UBAC2: variants seen among roughly 807,000 people sequenced by gnomAD.
The protein encoded by UBAC2 is ubiquitin-associated domain-containing protein 2.
A neutral mutation model predicts 44.0 loss-of-function variants in UBAC2; 26 were observed. That is an observed-to-expected ratio of 0.59 (90% CI 0.43 to 0.82). The LOEUF is 0.82. Among genes scored for constraint, UBAC2 ranks in the 40% least tolerant of loss-of-function variants. The pLI is 0.00. For synonymous variants in UBAC2, 155 were observed against 154.3 expected (o/e 1.00, Z -0.04); for missense variants, 329 against 419.4 (o/e 0.78, Z 1.88).
At chr13:99,279,149 T>C (rs1157437722) in intron 4 of UBAC2, among the ~76,000 whole-genome samples, 1 of 152,144 alleles carries the variant, frequency 6.6e-6, no homozygotes, top group African/African-American at 2.4e-5. Flanking sequence ...CCCCCTTTTC[T>C]TACCCCTTTA....
At chr13:99,247,359 C>T (rs1046688228) in intron 4 of UBAC2, among the ~76,000 whole-genome samples, 3 of 151,400 alleles carry the variant, frequency 2.0e-5, no homozygotes, top group East Asian at 1.9e-4. Context: ...GGACTACAGG[C>T]GCCCGCTACC....
At chr13:99,283,971 G>C (rs1772037968) in intron 4 of UBAC2, among the ~76,000 whole-genome samples, 1 of 151,954 alleles carries the variant, frequency 6.6e-6, no homozygotes, top group East Asian at 1.9e-4. Flanking sequence ...CTGACCTCGT[G>C]ATCTGTCTGC....
At chr13:99,322,202 A>C (rs1310526871) in intron 6 of UBAC2, among the ~76,000 whole-genome samples, 1 of 152,234 alleles carries the variant, frequency 6.6e-6, no homozygotes, top group Non-Finnish European at 1.5e-5. Flanking sequence ...CAAAAATTGA[A>C]GTCAGTCTTT....
chr13:99,205,222 A>G (rs1274293852), intron 1 of UBAC2, among the ~76,000 whole-genome samples: 1 of 152,020 alleles, frequency 6.6e-6, no homozygotes, highest in Non-Finnish European at 1.5e-5. Context: ...CTTTAAGTGG[A>G]GAGGAGGCTT....
Position 99,295,068 on chromosome 13 carries a change from C to G in UBAC2, c.390-19029C>G, listed in dbSNP as rs745654917. The G allele has an allele frequency of 1.2e-5, 19 of 1,612,550 alleles. No individual in the cohort carries two copies. The highest frequency in any genetic ancestry group is 1.6e-5 in the Non-Finnish European group (19 of 1,179,296). On this transcript the variant is annotated intron_variant, in intron 4 of 8. Coordinates refer to ENST00000403766, the MANE Select transcript of UBAC2 (RefSeq NM_001144072.2). This position sits in a 1 kb window ranked among gnomAD's most constrained non-coding sequence, Gnocchi z 4.1. Reference sequence around the variant, plus strand: ...CCAAAATACAATCCATTTCACTTTCCATTTGAAGACTTGGAATGTATCATC... The same window carrying G: ...CCAAAATACAATCCATTTCACTTTCGATTTGAAGACTTGGAATGTATCATC...
At chr13:99,287,297 A>G (rs1244629385) in intron 4 of UBAC2, among the ~76,000 whole-genome samples, 1 of 152,104 alleles carries the variant, frequency 6.6e-6, no homozygotes. Flanking sequence ...AGGCACAGGC[A>G]GGTACCAGGT....
At chr13:99,336,698 A>T in intron 6 of UBAC2, among the ~76,000 whole-genome samples, 1 of 152,200 alleles carries the variant, frequency 6.6e-6, no homozygotes, top group East Asian at 1.9e-4. Flanking sequence ...ACTTTATAGT[A>T]TGTCTTGAAA....
At chr13:99,338,071 T>TTTTA (rs1555330451) in intron 6 of UBAC2, among the ~76,000 whole-genome samples, 2,294 of 105,048 alleles carry the variant, frequency 0.022, 141 homozygotes, top group Non-Finnish European at 0.034. Flanking sequence ...TTTTTTTTTT[T>TTTTA]TTTTGAGACA....
intron 6 of UBAC2, among the ~76,000 whole-genome samples, chr13:99,335,268 T>G (rs1046758058): frequency 6.6e-6 from 1 of 152,240 alleles, no homozygotes; most frequent in Non-Finnish European, 1.5e-5. Flanking sequence ...GTTTATAACA[T>G]TTTGCTATCT....
chr13:99,278,178 A>G (rs2043908108), intron 4 of UBAC2, among the ~76,000 whole-genome samples: 1 of 152,234 alleles, frequency 6.6e-6, no homozygotes. Context: ...ATTTAGACCT[A>G]TTTAAAAGAA....
chr13:99,204,345 T>G (rs940414255), intron 1 of UBAC2, among the ~76,000 whole-genome samples: 1 of 152,018 alleles, frequency 6.6e-6, no homozygotes, highest in Non-Finnish European at 1.5e-5. Context: ...GCAGGCATCA[T>G]AGTGTGGAGA....
At chr13:99,304,498 G>A (rs767409790) in intron 4 of UBAC2, among the ~76,000 whole-genome samples, 25 of 152,142 alleles carry the variant, frequency 1.6e-4, no homozygotes, top group Admixed American at 1.4e-3. Flanking sequence ...GTATCTCTAG[G>A]TGATGTATGA....
chr13:99,294,081 A>G (rs998108267), intron 4 of UBAC2, among the ~76,000 whole-genome samples: 8 of 152,134 alleles, frequency 5.3e-5, no homozygotes, highest in African/African-American at 1.9e-4. Flanking sequence ...GAATCCTAAG[A>G]TGCTTAATTT....
intron 4 of UBAC2, among the ~76,000 whole-genome samples, chr13:99,277,166 A>G (rs2043894581): frequency 6.6e-6 from 1 of 151,860 alleles, no homozygotes; most frequent in Non-Finnish European, 1.5e-5. Context: ...TTTTAATGTC[A>G]CTCTTATGAG....
At chr13:99,252,646 T>C (rs2043472489) in intron 4 of UBAC2, among the ~76,000 whole-genome samples, 1 of 152,250 alleles carries the variant, frequency 6.6e-6, no homozygotes, top group Non-Finnish European at 1.5e-5. Flanking sequence ...CTATTATTTT[T>C]TGTTAGTATT....
At chr13:99,325,038 A>G (rs902646397) in intron 6 of UBAC2, among the ~76,000 whole-genome samples, 1 of 151,498 alleles carries the variant, frequency 6.6e-6, no homozygotes, top group African/African-American at 2.4e-5. Flanking sequence ...AACACCAGGT[A>G]GCTGAAAAGT....
chr13:99,351,814 T>C (rs1198430670), intron 7 of UBAC2: 4 of 455,946 alleles, frequency 8.8e-6, no homozygotes, highest in Non-Finnish European at 1.8e-5. Flanking sequence ...GCTCTTCTTT[T>C]AACTGCCTCC....
At chr13:99,258,591 G>A (rs1347528306) in intron 4 of UBAC2, 4 of 148,758 alleles carry the variant, frequency 2.7e-5, no homozygotes, top group African/African-American at 9.9e-5. Flanking sequence ...CATCATCTAT[G>A]GAAAGAGAAG....
intron 4 of UBAC2, among the ~76,000 whole-genome samples, chr13:99,250,197 T>C (rs569423734): frequency 6.6e-6 from 1 of 152,366 alleles, no homozygotes; most frequent in East Asian, 1.9e-4. Context: ...GTTTGAAGTC[T>C]TACATTTATA....
Sources: allele counts gnomAD v4.1 joint callset (sites outside exome capture counted in the v4.1 genomes callset), GRCh38; gene constraint gnomAD v4.1.1; non-coding constraint Gnocchi (gnomAD v3.1); transcripts MANE v1.5; gene names NCBI Gene and HGNC (gene_info 2026-07-23, HGNC 2026-07-21).